Variants in JARID2 observed in about 807,000 individuals in gnomAD.
JARID2 encodes jumonji and AT-rich interaction domain containing 2, also known as protein Jumonji.
JARID2 carries 21 observed loss-of-function variants against 125.6 expected under a neutral mutation model. The ratio of observed to expected loss-of-function variants is 0.17; its 90% CI spans 0.12 to 0.24. The LOEUF is 0.24. JARID2 is among the 10% of genes least tolerant of loss of function. The pLI is 1.00. For missense variants in JARID2, 1,303 were observed against 1,639.6 expected, an observed-to-expected ratio of 0.79 and a Z score of 3.55; for synonymous variants, 736 against 661.6, an observed-to-expected ratio of 1.11 and a Z score of -1.73.
rs745347518 is a variant in JARID2 at position 15,463,425 on chromosome 6, CTTTT to C, written c.494-5100_494-5097del. ...TCATGTGGGGTTGTGGAGCCCTTTC[CTTTT>C]TTTTTTTTTTTTTTTTCCGAGGTGG... is the stretch of plus-strand genomic sequence containing the variant. On this transcript the variant is annotated intron_variant, in intron 4 of 17. Transcript: ENST00000341776. Among the ~76,000 whole-genome samples the C allele has an allele frequency of 1.8e-4, 16 of 88,468 alleles. 1 individual carries two copies. The highest frequency in any genetic ancestry group is 9.8e-4 in the East Asian group (3 of 3,074). 58.0% of individuals were successfully genotyped at this position (88,468 alleles called of 152,430 possible).
intron 1 of JARID2, among the ~76,000 whole-genome samples, chr6:15,361,093 AG>A (rs1482650810): frequency 6.6e-6 from 1 of 152,232 alleles, no homozygotes; most frequent in Non-Finnish European, 1.5e-5. Context: ...TGAAAAATTC[AG>A]TGGAGGTGAC....
At chr6:15,247,403 T>G (rs1759220170) in intron 1 of JARID2, 3 of 981,570 alleles carry the variant, frequency 3.1e-6, no homozygotes, top group Non-Finnish European at 2.4e-6. Context: ...TGGGGAGTGT[T>G]TTTGTTTTGT....
Position 15,275,147 on chromosome 6 carries a change from T to G in JARID2, c.45+28563T>G, listed in dbSNP as rs1356183155. 3.3e-5 allele frequency among the ~76,000 whole-genome samples: 5 copies of G among 152,142 alleles called. No homozygotes were observed. In the East Asian group the frequency reaches 9.6e-4, roughly 29 times the overall value. On this transcript the variant is annotated intron_variant, in intron 1 of 17. Transcript: ENST00000341776. ...GGGCAGCAGGAAGAGCTGTTTGATCTCTCCTTGCAAAATGTTTCTGGGCTC... is the reference window on the plus strand; with the variant it reads ...GGGCAGCAGGAAGAGCTGTTTGATCGCTCCTTGCAAAATGTTTCTGGGCTC...
chr6:15,347,624 AC>A (rs1479429496), intron 1 of JARID2, among the ~76,000 whole-genome samples: 2 of 152,226 alleles, frequency 1.3e-5, no homozygotes, highest in East Asian at 3.8e-4. Flanking sequence ...TACACCAATG[AC>A]TTTTTAAAAA....
intron 1 of JARID2, among the ~76,000 whole-genome samples, chr6:15,262,846 C>T (rs1041551788): frequency 1.3e-5 from 2 of 152,104 alleles, no homozygotes; most frequent in African/African-American, 4.8e-5. Context: ...CTATTTTGAA[C>T]AATGCTGCGG....
intron 12 of JARID2, chr6:15,509,005 T>G (rs1298444394): frequency 7.8e-7 from 1 of 1,289,350 alleles, no homozygotes; most frequent in South Asian, 1.2e-5. Flanking sequence ...TCGGTGGCTG[T>G]GGGGAGTAGA....
intron 2 of JARID2, among the ~76,000 whole-genome samples, chr6:15,388,295 C>T (rs758915001): frequency 2.0e-5 from 3 of 151,990 alleles, no homozygotes; most frequent in Non-Finnish European, 4.4e-5. Flanking sequence ...TGTTTAGAGT[C>T]CTGTATGGTA....
intron 1 of JARID2, among the ~76,000 whole-genome samples, chr6:15,271,350 G>A (rs1760288377): frequency 6.6e-6 from 1 of 152,028 alleles, no homozygotes; most frequent in Non-Finnish European, 1.5e-5. Flanking sequence ...AAACTCTCAG[G>A]GCCTACACTT....
intron 1 of JARID2, among the ~76,000 whole-genome samples, chr6:15,322,771 C>T (rs975277212): frequency 6.6e-6 from 1 of 152,104 alleles, no homozygotes; most frequent in African/African-American, 2.4e-5. Flanking sequence ...GTTGGTGAAC[C>T]CTGGGGGTAG....
At chr6:15,376,530 A>G (rs1013904212) in intron 2 of JARID2, among the ~76,000 whole-genome samples, 4 of 152,160 alleles carry the variant, frequency 2.6e-5, no homozygotes, top group Non-Finnish European at 4.4e-5. Flanking sequence ...AGCTTGGGCA[A>G]CAAACTACAA....
At chr6:15,460,191 A>G (rs1356969272) in intron 4 of JARID2, among the ~76,000 whole-genome samples, 1 of 152,140 alleles carries the variant, frequency 6.6e-6, no homozygotes, top group African/African-American at 2.4e-5. Context: ...AAACCCTGAA[A>G]TTTTTGAGGT....
In JARID2 at chr6:15,270,332, A is replaced by G. The variant is rs142927313; in HGVS notation, c.45+23748A>G. Among the ~76,000 whole-genome samples the G allele has an allele frequency of 2.7e-3, 409 of 152,178 alleles. 5 individuals carry two copies. The highest frequency in any genetic ancestry group is 9.2e-3 in the African/African-American group (382 of 41,526). On this transcript the variant is annotated intron_variant, in intron 1 of 17. Transcript: ENST00000341776. ...TTTTTAGTAGAGACAGGGTTTCTCC[A>G]TGTTGGTCAGGCTGGTCCCGAACTC...
chr6:15,365,543 G>A (rs939380280), intron 1 of JARID2, among the ~76,000 whole-genome samples: 1 of 152,078 alleles, frequency 6.6e-6, no homozygotes, highest in Non-Finnish European at 1.5e-5. Flanking sequence ...GTTGGTGGCC[G>A]GAGATTCAGC....
At chr6:15,388,069 A>G (rs1223275153) in intron 2 of JARID2, among the ~76,000 whole-genome samples, 8 of 152,114 alleles carry the variant, frequency 5.3e-5, no homozygotes, top group Non-Finnish European at 8.8e-5. Flanking sequence ...ATAGAGTGAT[A>G]TTGTTCCCTG....
At chr6:15,466,280 T>C (rs1768733372) in intron 4 of JARID2, among the ~76,000 whole-genome samples, 1 of 148,338 alleles carries the variant, frequency 6.7e-6, no homozygotes, top group African/African-American at 2.5e-5. Context: ...TTGAATTGGC[T>C]GCAGAAGTTT....
At chr6:15,278,889 C>G (rs35500004) in intron 1 of JARID2, among the ~76,000 whole-genome samples, 1 of 151,976 alleles carries the variant, frequency 6.6e-6, no homozygotes, top group Non-Finnish European at 1.5e-5. Context: ...GCCAACAAGG[C>G]GAAACCCTGT....
intron 13 of JARID2, among the ~76,000 whole-genome samples, chr6:15,511,797 G>A (rs1042401210): frequency 4.6e-5 from 7 of 152,162 alleles, no homozygotes; most frequent in Non-Finnish European, 1.0e-4. Context: ...CAGCTTCTCT[G>A]GCCTCTGCTG....
chr6:15,289,009 C>T (rs1761104583), intron 1 of JARID2, among the ~76,000 whole-genome samples: 1 of 152,122 alleles, frequency 6.6e-6, no homozygotes, highest in South Asian at 2.1e-4. Context: ...GGGTGGTTGT[C>T]CAAGCCACGG....
chr6:15,287,927 C>T (rs748910747), intron 1 of JARID2, among the ~76,000 whole-genome samples: 4 of 152,148 alleles, frequency 2.6e-5, no homozygotes, highest in Non-Finnish European at 5.9e-5. Flanking sequence ...CCCCATTTAC[C>T]GTTGATCTGC....
Sources: allele counts gnomAD v4.1 joint callset (sites outside exome capture counted in the v4.1 genomes callset), GRCh38; gene constraint gnomAD v4.1.1; transcripts MANE v1.5; gene names NCBI Gene and HGNC (gene_info 2026-07-23, HGNC 2026-07-21).